FAF1: variants seen among roughly 807,000 people sequenced by gnomAD.
FAF1 encodes FAS-associated factor 1.
Under a neutral mutation model 92.5 loss-of-function variants are expected in FAF1, and 25 were observed. The ratio of observed to expected loss-of-function variants is 0.27; its 90% CI spans 0.20 to 0.38. FAF1 has a LOEUF of 0.38. Ranked by LOEUF, FAF1 falls within the 10% of genes least tolerant of loss-of-function variation. FAF1 has a pLI of 1.00. For missense variants in FAF1, 636 were observed against 793.3 expected (o/e 0.80, Z 2.38); for synonymous variants, 234 against 273.2 (o/e 0.86, Z 1.42).
intron 18 of FAF1, among the ~76,000 whole-genome samples, chr1:50,464,125 G>GT (rs1646465635): frequency 6.6e-6 from 1 of 152,110 alleles, no homozygotes; most frequent in Non-Finnish European, 1.5e-5. Context: ...TGTACCATGT[G>GT]CCATGTCTGT....
intron 13 of FAF1, among the ~76,000 whole-genome samples, chr1:50,556,320 A>G (rs1011047903): frequency 6.6e-6 from 1 of 151,840 alleles, no homozygotes; most frequent in Non-Finnish European, 1.5e-5. Flanking sequence ...CTCACTTAGA[A>G]GTGGAAGCTA....
intron 6 of FAF1, among the ~76,000 whole-genome samples, chr1:50,735,082 C>G (rs1340694970): frequency 3.9e-5 from 6 of 152,168 alleles, no homozygotes; most frequent in African/African-American, 1.4e-4. Flanking sequence ...ACAGGAATAA[C>G]TTAAGAAAAG....
chr1:50,665,179 G>C (rs953185384), intron 7 of FAF1, among the ~76,000 whole-genome samples: 5 of 152,120 alleles, frequency 3.3e-5, no homozygotes, highest in Admixed American at 2.0e-4. Context: ...ACATTTTTAG[G>C]AATTTTACTT....
rs746481450 is a variant in FAF1 at position 50,583,695 on chromosome 1, C to T, written c.988G>A (p.Glu330Lys). 3 of 1,573,198 alleles carry T rather than the reference C, an allele frequency of 1.9e-6. No homozygotes were observed. The highest frequency in any genetic ancestry group is 1.7e-5 in the Admixed American group (1 of 57,948). The change falls in exon 11 of 19, where the codon GAA becomes AAA. Residue 330 changes from glutamate (E) to lysine (K), a missense_variant. Around this residue, in one of 2 missense-constraint regions of FAF1, gnomAD observed 319 missense variants for 451.0 expected, o/e 0.71. Coordinates refer to ENST00000396153, the MANE Select transcript of FAF1 (RefSeq NM_007051.3). This position sits in a 1 kb window ranked among gnomAD's most constrained non-coding sequence, Gnocchi z 4.2. ...GTAAATTGTAATAAGGCATCTCCTT[C>T]ATTTTCTGCGTTTTCTGGCACTAAA... ...SPMMPENAENEGDALLQFTAE... is the reference protein window; with the variant it reads ...SPMMPENAENKGDALLQFTAE...
intron 8 of FAF1, among the ~76,000 whole-genome samples, chr1:50,599,787 G>C (rs1416501455): frequency 1.3e-5 from 2 of 152,096 alleles, no homozygotes; most frequent in African/African-American, 2.4e-5. Flanking sequence ...TTAAACAAAT[G>C]ATGGGCAGAC....
At chr1:50,573,768 T>C (rs1032104446) in intron 12 of FAF1, among the ~76,000 whole-genome samples, 16 of 150,910 alleles carry the variant, frequency 1.1e-4, no homozygotes, top group African/African-American at 3.9e-4. Context: ...CACAGATATC[T>C]GAATCTTGCA....
chr1:50,769,007 C>T (rs1189479723), intron 4 of FAF1, among the ~76,000 whole-genome samples: 1 of 151,466 alleles, frequency 6.6e-6, no homozygotes, highest in African/African-American at 2.4e-5. Flanking sequence ...GGAATTAGTT[C>T]CTTGAAAGAA....
intron 4 of FAF1, among the ~76,000 whole-genome samples, chr1:50,759,308 C>T (rs569544844): frequency 5.4e-5 from 7 of 129,856 alleles, no homozygotes; most frequent in African/African-American, 1.7e-4. Flanking sequence ...CCCTCCCCCC[C>T]ACCCCACAAC....
At chr1:50,644,229 G>A (rs1184070535) in intron 8 of FAF1, among the ~76,000 whole-genome samples, 3 of 151,990 alleles carry the variant, frequency 2.0e-5, no homozygotes, top group Non-Finnish European at 2.9e-5. Context: ...TTCATTCTAG[G>A]GCCAATTTAT....
chr1:50,879,659 G>A (rs1310850381), intron 1 of FAF1, among the ~76,000 whole-genome samples: 1 of 152,146 alleles, frequency 6.6e-6, no homozygotes, highest in South Asian at 2.1e-4. Flanking sequence ...AGGCTAGGTA[G>A]GTACCTCAAA....
chr1:50,781,758 A>T (rs1208341620), intron 4 of FAF1, among the ~76,000 whole-genome samples: 1 of 152,226 alleles, frequency 6.6e-6, no homozygotes, highest in Non-Finnish European at 1.5e-5. Flanking sequence ...TACTCCATAA[A>T]AAAGTCTTAA....
intron 2 of FAF1, among the ~76,000 whole-genome samples, chr1:50,811,639 G>A (rs979634165): frequency 3.9e-5 from 6 of 152,154 alleles, no homozygotes; most frequent in Non-Finnish European, 8.8e-5. Context: ...ACTGCCTAAA[G>A]CAATTTACAG....
chr1:50,934,849 T>C (rs1026599280), intron 1 of FAF1, among the ~76,000 whole-genome samples: 5 of 152,252 alleles, frequency 3.3e-5, no homozygotes, highest in African/African-American at 1.2e-4. Context: ...TATTCCATTA[T>C]CCTCTGTATT....
chr1:50,801,589 T>C (rs777065495), intron 3 of FAF1, 42 bp downstream of exon 3: 1 of 1,146,352 alleles, frequency 8.7e-7, no homozygotes, highest in Admixed American at 1.7e-5. Flanking sequence ...CTGTTCTTTG[T>C]TCTGCTAAGT....
chr1:50,914,156 C>T (rs1308479195), intron 1 of FAF1, among the ~76,000 whole-genome samples: 1 of 152,106 alleles, frequency 6.6e-6, no homozygotes, highest in Non-Finnish European at 1.5e-5. Flanking sequence ...GATGACTCAG[C>T]CAAACTCTTA....
intron 18 of FAF1, among the ~76,000 whole-genome samples, chr1:50,468,615 G>A (rs1430699123): frequency 5.3e-5 from 8 of 152,064 alleles, no homozygotes; most frequent in Admixed American, 1.3e-4. Context: ...GCCTGCCACC[G>A]CGCCTGGCTA....
At chr1:50,520,045 T>C (rs1277081242) in intron 15 of FAF1, among the ~76,000 whole-genome samples, 1 of 152,224 alleles carries the variant, frequency 6.6e-6, no homozygotes, top group Non-Finnish European at 1.5e-5. Flanking sequence ...AAAAAATGTG[T>C]AGATTTAATG....
intron 15 of FAF1, among the ~76,000 whole-genome samples, chr1:50,498,618 G>A (rs1646930388): frequency 6.6e-6 from 1 of 152,214 alleles, no homozygotes; most frequent in African/African-American, 2.4e-5. Flanking sequence ...GGGAGGCCAA[G>A]GTGGGTGGAT....
At chr1:50,895,933 G>A (rs138961606) in intron 1 of FAF1, among the ~76,000 whole-genome samples, 5 of 152,248 alleles carry the variant, frequency 3.3e-5, no homozygotes, top group African/African-American at 9.6e-5. Context: ...CAAACCCACA[G>A]CTAGCATCAT....
Sources: allele counts gnomAD v4.1 joint callset (sites outside exome capture counted in the v4.1 genomes callset), GRCh38; gene constraint gnomAD v4.1.1; regional missense constraint gnomAD v4.1.1; non-coding constraint Gnocchi (gnomAD v3.1); transcripts MANE v1.5; gene names NCBI Gene and HGNC (gene_info 2026-07-23, HGNC 2026-07-21).